The following CHLSN variants were observed in gnomAD, a reference collection of about 807,000 sequenced individuals.
CHLSN encodes the protein protein cholesin.
At chr7:1,028,414 C>G in the CHLSN span, 1 of 986,010 alleles carries the variant, frequency 1.0e-6, no homozygotes, top group Non-Finnish European at 1.2e-6. Flanking sequence ...ATCCAGCCGG[C>G]TGGACCGTGA....
the CHLSN span, chr7:1,028,735 T>G: frequency 1.8e-5 from 7 of 384,998 alleles, no homozygotes; most frequent in Admixed American, 1.0e-4. Context: ...TCTGCCCCCA[T>G]AGACCCATCT....
the CHLSN span, among the ~76,000 whole-genome samples, chr7:1,023,663 AC>A: frequency 5.7e-5 from 6 of 105,936 alleles, no homozygotes; most frequent in Non-Finnish European, 1.2e-4. The surrounding 1 kb of genome is among the most constrained non-coding windows in gnomAD (Gnocchi z 5.0). Flanking sequence ...ACACACACAC[AC>A]ACACACACAC....
the CHLSN span, among the ~76,000 whole-genome samples, chr7:1,130,206 C>G: frequency 6.6e-6 from 1 of 152,236 alleles, no homozygotes; most frequent in African/African-American, 2.4e-5. Context: ...CACGCCAGGA[C>G]GGAGAAGTCC....
the CHLSN span, among the ~76,000 whole-genome samples, chr7:1,051,844 G>A: frequency 6.6e-6 from 1 of 152,170 alleles, no homozygotes. Context: ...CAGCTGTAGT[G>A]GCACATGCCT....
the CHLSN span, chr7:1,055,139 G>A: frequency 9.7e-6 from 4 of 411,226 alleles, no homozygotes; most frequent in Non-Finnish European, 1.5e-5. Context: ...GGTGGGACAA[G>A]AGGCCAGCTG....
chr7:1,013,765 G>T, the CHLSN span, among the ~76,000 whole-genome samples: 1 of 152,168 alleles, frequency 6.6e-6, no homozygotes, highest in Non-Finnish European at 1.5e-5. Context: ...GCAGAAAGTC[G>T]TACAAAAGTA....
the CHLSN span, among the ~76,000 whole-genome samples, chr7:1,133,016 G>C: frequency 6.6e-5 from 10 of 152,170 alleles, no homozygotes; most frequent in African/African-American, 2.4e-4. Flanking sequence ...ATATTCAAGC[G>C]GTGGAAACAA....
At chr7:1,014,444 A>C in the CHLSN span, among the ~76,000 whole-genome samples, 3 of 152,342 alleles carry the variant, frequency 2.0e-5, no homozygotes, top group South Asian at 6.2e-4. Flanking sequence ...CCACCCGTCC[A>C]TCTGTGTGAC....
chr7:1,016,864 A>AG, the CHLSN span, among the ~76,000 whole-genome samples: 4 of 88,416 alleles, frequency 4.5e-5, no homozygotes, highest in Non-Finnish European at 4.9e-5. Flanking sequence ...AGCACACAGC[A>AG]CACAGCAGCG....
At chr7:1,133,475 G>T in the CHLSN span, among the ~76,000 whole-genome samples, 1 of 151,592 alleles carries the variant, frequency 6.6e-6, no homozygotes, top group South Asian at 2.1e-4. Context: ...GTGCGGCCAG[G>T]CACGGTGGCT....
the CHLSN span, chr7:1,109,240 A>G: frequency 6.6e-6 from 1 of 152,202 alleles, no homozygotes; most frequent in South Asian, 2.1e-4. Context: ...ATGTTGACCA[A>G]TCCACCATAT....
chr7:1,053,437 C>A, the CHLSN span, among the ~76,000 whole-genome samples: 1 of 152,230 alleles, frequency 6.6e-6, no homozygotes, highest in Non-Finnish European at 1.5e-5. Context: ...TCACGAGTCT[C>A]CTGTGACCAG....
At chr7:984,771 GTTC>G in the CHLSN span, among the ~76,000 whole-genome samples, 7 of 152,290 alleles carry the variant, frequency 4.6e-5, no homozygotes, top group African/African-American at 1.7e-4. Context: ...AGCAAGCGGG[GTTC>G]TTTTCATCCC....
the CHLSN span, chr7:1,026,015 C>T: frequency 6.6e-6 from 1 of 152,236 alleles, no homozygotes; most frequent in Non-Finnish European, 1.5e-5. Context: ...AGAAGCAGGC[C>T]TCCTGGAACT....
the CHLSN span, among the ~76,000 whole-genome samples, chr7:1,077,416 G>C: frequency 6.6e-6 from 1 of 152,222 alleles, no homozygotes; most frequent in African/African-American, 2.4e-5. Context: ...CGGCCTCCCA[G>C]AGTGCTGGGA....
At chr7:1,028,458 C>T in the CHLSN span, 1 of 985,482 alleles carries the variant, frequency 1.0e-6, no homozygotes, top group Non-Finnish European at 1.2e-6. Flanking sequence ...GACCTCGGCG[C>T]GGGGGTGGGA....
the CHLSN span, among the ~76,000 whole-genome samples, chr7:1,122,582 A>C: frequency 2.0e-5 from 3 of 152,142 alleles, no homozygotes; most frequent in Non-Finnish European, 4.4e-5. Context: ...ATGACCTCCC[A>C]CCATGTCCGC....
At chr7:1,055,669 T>C in the CHLSN span, among the ~76,000 whole-genome samples, 13 of 152,122 alleles carry the variant, frequency 8.5e-5, no homozygotes. Context: ...CAGAGCACAC[T>C]GAGGGGTCCC....
chr7:980,684 C>CTTT, the CHLSN span, among the ~76,000 whole-genome samples: 10 of 97,034 alleles, frequency 1.0e-4, no homozygotes, highest in African/African-American at 2.0e-4. Flanking sequence ...GTAACAGTTA[C>CTTT]TTTTTTTTTT....
Sources: allele counts gnomAD v4.1 joint callset (sites outside exome capture counted in the v4.1 genomes callset), GRCh38; gene constraint gnomAD v4.1.1; non-coding constraint Gnocchi (gnomAD v3.1); transcripts MANE v1.5; gene names NCBI Gene and HGNC (gene_info 2026-07-23, HGNC 2026-07-21).